RANBP2: variants seen among roughly 807,000 people sequenced by gnomAD.
The protein encoded by RANBP2 is RAN binding protein 2, also known as E3 SUMO-protein ligase RanBP2.
A neutral mutation model predicts 303.6 loss-of-function variants in RANBP2; 57 were observed. The ratio of observed to expected loss-of-function variants is 0.19; its 90% CI spans 0.15 to 0.23. The LOEUF (loss-of-function observed/expected upper bound fraction) is 0.23, where lower values mean the gene tolerates loss of function less well. Ranked by LOEUF, RANBP2 falls within the 10% of genes least tolerant of loss-of-function variation. The pLI, the probability that RANBP2 is intolerant of heterozygous loss-of-function variation, is 1.00. For missense variants in RANBP2, 3,138 were observed against 3,780.8 expected (o/e 0.83, Z 4.46); for synonymous variants, 1,167 against 1,301.5 (o/e 0.90, Z 2.23).
the RANBP2 span, among the ~76,000 whole-genome samples, chr2:109,365,409 G>C: frequency 3.3e-5 from 5 of 152,220 alleles, no homozygotes; most frequent in Middle Eastern, 3.4e-3. Flanking sequence ...GGGGATTTCT[G>C]GTATTTCCCT....
At chr2:109,131,438 A>G in the RANBP2 span, among the ~76,000 whole-genome samples, 1 of 152,202 alleles carries the variant, frequency 6.6e-6, no homozygotes, top group African/African-American at 2.4e-5. Flanking sequence ...TAAGGTATTT[A>G]TAATTAAATA....
the RANBP2 span, among the ~76,000 whole-genome samples, chr2:109,399,924 C>T: frequency 6.6e-6 from 1 of 152,202 alleles, no homozygotes; most frequent in Non-Finnish European, 1.5e-5. Flanking sequence ...TCCATTTCTC[C>T]CTGCGCTGCA....
the RANBP2 span, among the ~76,000 whole-genome samples, chr2:109,346,222 T>C: frequency 1.3e-5 from 2 of 152,308 alleles, no homozygotes; most frequent in South Asian, 4.1e-4. Flanking sequence ...AAAAATCCTC[T>C]GGTGTTACTG....
chr2:108,932,112 A>G, the RANBP2 span, among the ~76,000 whole-genome samples: 2 of 152,340 alleles, frequency 1.3e-5, no homozygotes, highest in Admixed American at 1.3e-4. Flanking sequence ...CACCGTGACG[A>G]ACATATGCCA....
chr2:108,773,165 T>C, intron 23 of RANBP2, 119 bp downstream of exon 23: 1 of 1,046,004 alleles, frequency 9.6e-7, no homozygotes, highest in Non-Finnish European at 1.4e-6. Flanking sequence ...TTGCCCAGGC[T>C]GGAGTGCAAT....
At chr2:109,031,567 G>C in the RANBP2 span, among the ~76,000 whole-genome samples, 5,115 of 152,278 alleles carry the variant, frequency 0.034, 212 homozygotes, top group East Asian at 0.15. Flanking sequence ...GGTCTCTAGC[G>C]CACGGCCTGG....
the RANBP2 span, chr2:108,930,341 G>C: frequency 1.4e-6 from 2 of 1,431,444 alleles, no homozygotes; most frequent in Non-Finnish European, 2.0e-6. Flanking sequence ...GGTGCCCTGC[G>C]GTGGGGGCTC....
chr2:109,186,825 C>T, the RANBP2 span, among the ~76,000 whole-genome samples: 1 of 152,194 alleles, frequency 6.6e-6, no homozygotes, highest in Non-Finnish European at 1.5e-5. Flanking sequence ...CAGCACCAGC[C>T]TCACCTCCCC....
At chr2:108,975,841 C>T in the RANBP2 span, among the ~76,000 whole-genome samples, 1 of 152,112 alleles carries the variant, frequency 6.6e-6, no homozygotes, top group Non-Finnish European at 1.5e-5. Flanking sequence ...CAAGGCCACC[C>T]CTCAACTGCT....
the RANBP2 span, among the ~76,000 whole-genome samples, chr2:108,794,278 A>C: frequency 6.6e-6 from 1 of 152,246 alleles, no homozygotes; most frequent in African/African-American, 2.4e-5. Flanking sequence ...GTGTCTTTTT[A>C]TATCCTTTAA....
At chr2:108,901,020 A>G in the RANBP2 span, among the ~76,000 whole-genome samples, 1 of 152,238 alleles carries the variant, frequency 6.6e-6, no homozygotes. Context: ...GAACTTACCA[A>G]CATCATCAAC....
chr2:109,580,878 C>CT, the RANBP2 span, among the ~76,000 whole-genome samples: 2 of 152,176 alleles, frequency 1.3e-5, no homozygotes, highest in South Asian at 2.1e-4. Context: ...AGCACAGCGC[C>CT]TGGCCATTCA....
the RANBP2 span, among the ~76,000 whole-genome samples, chr2:109,029,866 G>T: frequency 4.7e-4 from 71 of 152,248 alleles, 1 homozygote; most frequent in African/African-American, 1.7e-3. Context: ...TAGCCTTCAG[G>T]GGCAGCCTCT....
chr2:109,454,698 A>C, the RANBP2 span, among the ~76,000 whole-genome samples: 1 of 152,142 alleles, frequency 6.6e-6, no homozygotes, highest in South Asian at 2.1e-4. Context: ...GGTAGGATAG[A>C]TCTTCATGGT....
the RANBP2 span, among the ~76,000 whole-genome samples, chr2:109,657,379 T>A: frequency 1.3e-5 from 2 of 151,918 alleles, no homozygotes; most frequent in Non-Finnish European, 2.9e-5. Context: ...GCCCAGGAGG[T>A]TGAGGCTGCA....
At chr2:108,839,480 A>G in the RANBP2 span, among the ~76,000 whole-genome samples, 4 of 152,168 alleles carry the variant, frequency 2.6e-5, no homozygotes, top group African/African-American at 9.6e-5. Flanking sequence ...TTTGAGAATA[A>G]TTGACATCTT....
At chr2:108,843,117 T>C in the RANBP2 span, among the ~76,000 whole-genome samples, 1 of 151,616 alleles carries the variant, frequency 6.6e-6, no homozygotes, top group East Asian at 1.9e-4. Flanking sequence ...ATATCCTATC[T>C]ATCTGTTTAG....
chr2:108,733,353 C>T (rs547136024), intron 4 of RANBP2, among the ~76,000 whole-genome samples: 387 of 146,066 alleles, frequency 2.6e-3, no homozygotes, highest in Non-Finnish European at 4.7e-3. Flanking sequence ...GCAACTTCTG[C>T]CTCCCGGGTT....
the RANBP2 span, among the ~76,000 whole-genome samples, chr2:109,409,143 C>T: frequency 6.6e-6 from 1 of 152,204 alleles, no homozygotes; most frequent in African/African-American, 2.4e-5. Context: ...CTGTTTTGAT[C>T]CATTCGCCTT....
Sources: gnomAD v4.1 joint callset for allele counts (sites outside exome capture counted in the v4.1 genomes callset) on GRCh38, gnomAD v4.1.1 for gene constraint, MANE v1.5 for transcripts, NCBI Gene and HGNC (gene_info 2026-07-23, HGNC 2026-07-21) for gene names.